SLCO1A2: variants seen among roughly 807,000 people sequenced by gnomAD.
SLCO1A2 encodes the protein OATP-1.
In SLCO1A2, 67 loss-of-function variants were observed where a neutral mutation model predicts 69.0. The ratio of observed to expected loss-of-function variants is 0.97; its 90% CI spans 0.80 to 1.19. SLCO1A2 has a LOEUF of 1.19. Among genes scored for constraint, SLCO1A2 ranks in the 50% most tolerant of loss-of-function variants. The pLI is 0.00. For synonymous variants in SLCO1A2, 260 were observed against 265.9 expected (o/e 0.98, Z 0.22); for missense variants, 787 against 793.7 (o/e 0.99, Z 0.10).
At chr12:21,345,472 A>C (rs1267875436) in intron 2 of SLCO1A2, among the ~76,000 whole-genome samples, 6 of 152,124 alleles carry the variant, frequency 3.9e-5, no homozygotes, top group African/African-American at 1.4e-4. Context: ...AAAGACAGTA[A>C]CTCTGCTCAT....
chr12:21,389,149 C>T (rs1464632937), intron 1 of SLCO1A2, among the ~76,000 whole-genome samples: 1 of 151,994 alleles, frequency 6.6e-6, no homozygotes, highest in African/African-American at 2.4e-5. Context: ...GTCACTGTGA[C>T]CAGTAATCTG....
chr12:21,361,542 T>C (rs1490475422), intron 2 of SLCO1A2, among the ~76,000 whole-genome samples: 2 of 152,170 alleles, frequency 1.3e-5, no homozygotes, highest in African/African-American at 4.8e-5. Context: ...GAGAATGACT[T>C]TGACGAGTTG....
At chr12:21,418,429 A>G (rs117839403), upstream of SLCO1A2, among the ~76,000 whole-genome samples, 325 of 152,000 alleles carry the variant, frequency 2.1e-3, 8 homozygotes, top group East Asian at 0.044. Flanking sequence ...CACTGCTGAT[A>G]ATGACATACC....
chr12:21,294,297 T>G, intron 10 of SLCO1A2, 187 bp from the exon 11 acceptor site: 2 of 426,410 alleles, frequency 4.7e-6, no homozygotes, highest in Non-Finnish European at 8.3e-6. Flanking sequence ...GATGACCACA[T>G]AGCCACTCCT....
intron 12 of SLCO1A2, among the ~76,000 whole-genome samples, chr12:21,283,500 T>C (rs908804242): frequency 1.3e-5 from 2 of 152,052 alleles, no homozygotes; most frequent in African/African-American, 2.4e-5. Flanking sequence ...CTCCAGGACA[T>C]TGGACTGAAC....
chr12:21,392,765 T>G (rs1941225834), intron 1 of SLCO1A2, among the ~76,000 whole-genome samples: 3 of 152,228 alleles, frequency 2.0e-5, no homozygotes, highest in African/African-American at 7.2e-5. Flanking sequence ...GGTATATGAA[T>G]ATTTAGAATG....
Position 21,303,163 on chromosome 12 carries a change from A to G in SLCO1A2, c.589+1264T>C, listed in dbSNP as rs184816203. ...TATATACACACTACATATATATAGTACTAATAATTATGTAGTTCTTTATTT... is the reference window on the plus strand; with the variant it reads ...TATATACACACTACATATATATAGTGCTAATAATTATGTAGTTCTTTATTT... On this transcript the variant is annotated intron_variant, in intron 6 of 14. Coordinates refer to ENST00000683939, the MANE Select transcript of SLCO1A2 (RefSeq NM_001386879.1). Among the ~76,000 whole-genome samples, 44 of 152,288 alleles carry G rather than the reference A, an allele frequency of 2.9e-4. No homozygotes were observed. In the East Asian group the frequency reaches 7.7e-3, roughly 27 times the overall value.
chr12:21,392,288 C>A lies in SLCO1A2; in HGVS notation c.-190+2618G>T, dbSNP rs117980689. On this transcript the variant is annotated intron_variant, in intron 1 of 15. Transcript: ENST00000307378. ...GATCCAATCATTCTAGATGTAAGAG[C>A]CCCAAAGTAGCTCTGGGTAACCCAT... Among the ~76,000 whole-genome samples the A allele has an allele frequency of 1.5e-3, 228 of 152,300 alleles. 6 individuals carry two copies. The East Asian group carries it at 0.034, about 23-fold the overall frequency.
chr12:21,405,584 T>A (rs191543978), intron 1 of SLCO1A2, among the ~76,000 whole-genome samples: 1 of 152,016 alleles, frequency 6.6e-6, no homozygotes, highest in Admixed American at 6.6e-5. Flanking sequence ...AACAGACACA[T>A]CGACCAAGGA....
chr12:21,305,995 A>C (rs112990272), intron 5 of SLCO1A2, among the ~76,000 whole-genome samples: 1,660 of 152,326 alleles, frequency 0.011, 30 homozygotes, highest in South Asian at 0.045. Flanking sequence ...AAGCCAGTAC[A>C]TTGGTGCCTA....
intron 2 of SLCO1A2, among the ~76,000 whole-genome samples, chr12:21,353,392 A>C (rs1027671637): frequency 6.6e-6 from 1 of 152,044 alleles, no homozygotes; most frequent in Non-Finnish European, 1.5e-5. Flanking sequence ...TATTGCATAG[A>C]GGGAAAAAAT....
rs370129854 is a variant in SLCO1A2 at position 21,348,302 on chromosome 12, T to C, written c.-62-13593A>G. ...TGTATGGTTAAGTCATTTTTGACTA[T>C]AGTCACCCTGTTGTACTATCAAATA... On this transcript the variant is annotated intron_variant, in intron 2 of 15. Transcript: ENST00000307378. 5.9e-5 allele frequency among the ~76,000 whole-genome samples: 9 copies of C among 152,338 alleles called. No individual in the cohort carries two copies. The East Asian group carries it at 7.7e-4, about 13-fold the overall frequency.
chr12:21,317,657 C>T (rs1313373893), intron 3 of SLCO1A2, among the ~76,000 whole-genome samples: 1 of 152,170 alleles, frequency 6.6e-6, no homozygotes, highest in East Asian at 1.9e-4. Context: ...ACAGGTGATA[C>T]AGGCTAAGAT....
At chr12:21,411,312 A>G (rs1030753363) in intron 1 of SLCO1A2, among the ~76,000 whole-genome samples, 15 of 152,204 alleles carry the variant, frequency 9.9e-5, no homozygotes, top group African/African-American at 3.6e-4. Flanking sequence ...ATATGATATG[A>G]AATAGAAATT....
At position 21,299,765 on chromosome 12, in the gene SLCO1A2, CGT is replaced by C. The variant is rs1196420952; in HGVS notation, c.910+581_910+582del. ...TTGAGCAAATGGGACCATATATATA[CGT>C]GTGTATATATATATATATATATACA... On this transcript the variant is annotated intron_variant, in intron 8 of 14. Transcript: ENST00000683939. 4.5e-5 allele frequency among the ~76,000 whole-genome samples: 6 copies of C among 133,554 alleles called. No individual in the cohort carries two copies. The Admixed American group carries it at 4.7e-4, about 10-fold the overall frequency. 87.6% of individuals were successfully genotyped at this position (133,554 alleles called of 152,430 possible). A position where few individuals can be genotyped will look rare whatever the true frequency, so the allele number is the denominator to read the frequency against.
In SLCO1A2 at chr12:21,269,014, T is replaced by C. The variant is rs1942354701; in HGVS notation, c.*534A>G. The C allele has an allele frequency of 6.6e-6, 1 of 152,062 alleles. No individual in the cohort carries two copies. Among genetic ancestry groups the C allele is most frequent in the Non-Finnish European group, 1.5e-5 (1 of 67,996 alleles). The allele number at this position is 152,062 out of a possible 1,614,324, so 9.4% of individuals were successfully genotyped here. On this transcript the variant is annotated 3_prime_UTR_variant, in exon 15 of 15. Transcript: ENST00000683939. ...GAGGGTATATTTATGAGTAATCTATTATATAGGAGTCATGCCTAGAATGAA... is the reference window on the plus strand; with the variant it reads ...GAGGGTATATTTATGAGTAATCTATCATATAGGAGTCATGCCTAGAATGAA...
intron 2 of SLCO1A2, among the ~76,000 whole-genome samples, chr12:21,347,786 T>C (rs1953325834): frequency 6.6e-6 from 1 of 152,162 alleles, no homozygotes; most frequent in South Asian, 2.1e-4. Context: ...AGCACTTATA[T>C]GTCAAAAAGT....
intron 1 of SLCO1A2, among the ~76,000 whole-genome samples, chr12:21,404,222 GATTT>G (rs1259244214): frequency 6.6e-6 from 1 of 151,396 alleles, no homozygotes; most frequent in African/African-American, 2.4e-5. Context: ...AAGATAGTTG[GATTT>G]ATTTATTTTA....
At chr12:21,274,731 A>G in intron 13 of SLCO1A2, 145 bp from the exon 14 acceptor site, 1 of 725,914 alleles carries the variant, frequency 1.4e-6, no homozygotes, top group Middle Eastern at 4.0e-4. Flanking sequence ...AGAAATGATG[A>G]GTTACTTTTA....
Sources: allele counts gnomAD v4.1 joint callset (sites outside exome capture counted in the v4.1 genomes callset), GRCh38; gene constraint gnomAD v4.1.1; transcripts MANE v1.5; gene names NCBI Gene and HGNC (gene_info 2026-07-23, HGNC 2026-07-21).